Variants in DUS2 observed in about 807,000 individuals in gnomAD.
DUS2 encodes the protein tRNA-dihydrouridine(20) synthase [NAD(P)+]-like.
Under a neutral mutation model 71.3 loss-of-function variants are expected in DUS2, and 52 were observed. The ratio of observed to expected loss-of-function variants is 0.73; its 90% confidence interval spans 0.58 to 0.92. The LOEUF is 0.92. Among genes scored for constraint, DUS2 ranks in the 40% least tolerant of loss-of-function variants. The pLI is 0.00. For synonymous variants in DUS2, 204 were observed against 227.8 expected (o/e 0.90, Z 0.94); for missense variants, 558 against 622.6 (o/e 0.90, Z 1.10).
At position 68,053,540 on chromosome 16, in the gene DUS2, C is replaced by T. The variant is rs1391691015; in HGVS notation, c.173-24C>T. 5 of 1,613,132 alleles carry T rather than the reference C, an allele frequency of 3.1e-6. No individual in the cohort carries two copies. The East Asian group carries it at 8.9e-5, about 29-fold the overall frequency. ...GAACTTGCATCTTCATTGAGTGACC[C>T]TATGTGTTTGGGTTTTCTTGCAGAG... On this transcript the variant is annotated intron_variant, in intron 4 of 16. Coordinates refer to ENST00000565263, the MANE Select transcript of DUS2 (RefSeq NM_017803.5).
At chr16:68,063,374 G>T (rs930699484) in intron 8 of DUS2, among the ~76,000 whole-genome samples, 3 of 152,174 alleles carry the variant, frequency 2.0e-5, no homozygotes, top group Admixed American at 6.5e-5. Context: ...TAGGCCCGTG[G>T]TTCCATCTGT....
intron 7 of DUS2, 29 bp from the exon 8 acceptor site, chr16:68,061,037 A>G (rs1236663203): frequency 1.9e-6 from 3 of 1,612,028 alleles, no homozygotes; most frequent in African/African-American, 1.3e-5. Context: ...TCCCAGATGT[A>G]AGAAGACCTT....
rs2033738310 is a variant in DUS2, at chr16:68,048,760, CTTCTT to C, written c.127-735_127-731del. ...GGGTTAGTACCAGGAGTAAGCACCTCTTCTTTTCTTTTCTGGACCCCCAGAATCCA... is the reference window on the plus strand; with the variant it reads ...GGGTTAGTACCAGGAGTAAGCACCTCTTCTTTTCTGGACCCCCAGAATCCA... On this transcript the variant is annotated intron_variant, in intron 3 of 16. Transcript: ENST00000565263. Among the ~76,000 whole-genome samples, 5 of 152,166 alleles carry C rather than the reference CTTCTT, an allele frequency of 3.3e-5. No individual in the cohort carries two copies. The South Asian group carries it at 6.2e-4, about 19-fold the overall frequency.
rs781201367 is a variant in DUS2, at chr16:68,054,626, A to C, written c.308+9A>C. 2.5e-6 allele frequency: 4 copies of C among 1,614,006 alleles called. No homozygotes were observed. The highest frequency in any genetic ancestry group is 3.4e-6 in the Non-Finnish European group (4 of 1,180,022). On this transcript the variant is annotated intron_variant, in intron 6 of 16. Transcript: ENST00000565263. ...GCTGTGGCCAGGCTTGTGTAAGTTC[A>C]TCCTCTGTCTTTAGCACTGCCTTTG...
intron 7 of DUS2, among the ~76,000 whole-genome samples, chr16:68,058,220 CTT>C (rs765216819): frequency 1.4e-5 from 2 of 146,814 alleles, no homozygotes; most frequent in African/African-American, 2.5e-5. Context: ...CTTTAGGTAT[CTT>C]TGGGCTTTTT....
chr16:68,066,661 T>TG (rs1240469271), intron 10 of DUS2, 25 bp downstream of exon 10: 5 of 1,611,346 alleles, frequency 3.1e-6, no homozygotes, highest in African/African-American at 2.7e-5. Flanking sequence ...TTCTAGTGAC[T>TG]GGCAGGGAGG....
rs762850019 is a variant in DUS2, at chr16:68,079,087, G to T, written c.*101G>T. Reference sequence around the variant, plus strand: ...TGCCGTTGAACAGTTTGCTGGTCTTGCCTGGCAGAAGTTAGATGTCCTGGC... The same window carrying T: ...TGCCGTTGAACAGTTTGCTGGTCTTTCCTGGCAGAAGTTAGATGTCCTGGC... On this transcript the variant is annotated 3_prime_UTR_variant, in exon 17 of 17. Transcript: ENST00000565263. The T allele has an allele frequency of 9.8e-5, 113 of 1,151,002 alleles. 2 individuals carry two copies. The South Asian group carries it at 1.6e-3, about 17-fold the overall frequency. The allele number at this position is 1,151,002 out of a possible 1,614,324, so 71.3% of individuals were successfully genotyped here. A position where few individuals can be genotyped will look rare whatever the true frequency, so the allele number is the denominator to read the frequency against.
At chr16:68,056,187 C>T (rs1279651405) in intron 6 of DUS2, among the ~76,000 whole-genome samples, 177 bp from the exon 7 acceptor site, 1 of 152,000 alleles carries the variant, frequency 6.6e-6, no homozygotes, top group Non-Finnish European at 1.5e-5. Flanking sequence ...GGCAGGTGCA[C>T]GTTTTAAGGA....
chr16:68,040,625 T>A (rs1402186021), intron 3 of DUS2, among the ~76,000 whole-genome samples: 1 of 152,198 alleles, frequency 6.6e-6, no homozygotes, highest in Non-Finnish European at 1.5e-5. Flanking sequence ...GGTATCTACC[T>A]AGGCAGAGAC....
chr16:68,047,856 C>T (rs904895375), intron 3 of DUS2, among the ~76,000 whole-genome samples: 3 of 151,438 alleles, frequency 2.0e-5, no homozygotes, highest in African/African-American at 7.3e-5. Context: ...TCACAGCTCA[C>T]TGCAACCTCG....
intron 3 of DUS2, among the ~76,000 whole-genome samples, chr16:68,049,294 T>C (rs1248124365): frequency 6.6e-6 from 1 of 152,162 alleles, no homozygotes; most frequent in Admixed American, 6.6e-5. Flanking sequence ...CCAAGTTTCC[T>C]GGGAAGGACA....
At chr16:68,057,259 G>T in intron 7 of DUS2, among the ~76,000 whole-genome samples, 1 of 145,254 alleles carries the variant, frequency 6.9e-6, no homozygotes, top group East Asian at 1.9e-4. Context: ...GAGAGAGAGA[G>T]AGAAAGAGAG....
chr16:68,035,245 C>T (rs953802207), intron 2 of DUS2, among the ~76,000 whole-genome samples: 5 of 152,128 alleles, frequency 3.3e-5, no homozygotes, highest in African/African-American at 7.2e-5. Context: ...CTTAGTGCAG[C>T]AGTCATAATG....
In DUS2 at chr16:68,070,959, A is replaced by G. The variant is rs1567481807; in HGVS notation, c.661A>G (p.Ile221Val). ...TTTTAGCGGAGGATCTCATGACCAC[A>G]TCCAACAGTATTCGGACATAGAGGA... ...VIANGGSHDH[I>V]QQYSDIEDFR... is the part of the protein sequence containing the mutation. Residue 221 changes from isoleucine (I) to valine (V), a missense_variant, in exon 12 of 17, where the codon ATC becomes GTC. Ile to Val is a conservative substitution (Grantham distance 29). Coordinates refer to ENST00000565263, the MANE Select transcript of DUS2 (RefSeq NM_017803.5). 6.2e-7 allele frequency: 1 copy of G among 1,614,194 alleles called. No individual in the cohort carries two copies. Among genetic ancestry groups the G allele is most frequent in the Non-Finnish European group, 8.5e-7 (1 of 1,180,024 alleles).
At chr16:68,040,306 C>T (rs562242398) in intron 3 of DUS2, among the ~76,000 whole-genome samples, 43 of 152,012 alleles carry the variant, frequency 2.8e-4, no homozygotes, top group Non-Finnish European at 2.2e-4. Context: ...TGGTCTTGAA[C>T]CCTTGACCTC....
At chr16:68,060,823 G>A (rs2033928719) in intron 7 of DUS2, among the ~76,000 whole-genome samples, 1 of 152,058 alleles carries the variant, frequency 6.6e-6, no homozygotes, top group Admixed American at 6.5e-5. Context: ...ACTCCAGCCT[G>A]GGTGACAGAG....
chr16:68,047,049 CTTTTT>C (rs1305624703), intron 3 of DUS2, among the ~76,000 whole-genome samples: 3 of 72,168 alleles, frequency 4.2e-5, no homozygotes, highest in East Asian at 8.7e-4. Flanking sequence ...CATGCCCGGC[CTTTTT>C]TTTTTTTTTT....
intron 13 of DUS2, among the ~76,000 whole-genome samples, 157 bp from the exon 14 acceptor site, chr16:68,075,198 A>G (rs867647188): frequency 6.6e-6 from 1 of 152,088 alleles, no homozygotes; most frequent in Non-Finnish European, 1.5e-5. Context: ...CAGTAATCCC[A>G]GGGCTGGGCA....
chr16:68,039,696 C>T (rs894367866), intron 3 of DUS2, among the ~76,000 whole-genome samples: 1 of 151,762 alleles, frequency 6.6e-6, no homozygotes, highest in African/African-American at 2.4e-5. Context: ...GCTGGGATTA[C>T]AGGTGTGAGC....
Sources: gnomAD v4.1 joint callset for allele counts (sites outside exome capture counted in the v4.1 genomes callset) on GRCh38, gnomAD v4.1.1 for gene constraint, MANE v1.5 for transcripts, NCBI Gene and HGNC (gene_info 2026-07-23, HGNC 2026-07-21) for gene names.